RASSF3: variants seen among roughly 807,000 people sequenced by gnomAD.
RASSF3 encodes ras association domain-containing protein 3.
Under a neutral mutation model 19.9 loss-of-function variants are expected in RASSF3, and 19 were observed. That is an observed-to-expected ratio of 0.96 (90% CI 0.67 to 1.40). RASSF3 has a LOEUF of 1.40. RASSF3 is among the 40% of genes most tolerant of loss of function. The probability of loss-of-function intolerance (pLI) is 0.00; values close to 1 mark genes in which losing one functional copy is unlikely to be tolerated. For missense variants in RASSF3, 306 were observed against 289.8 expected (o/e 1.06, Z -0.41); for synonymous variants, 110 against 104.2 (o/e 1.06, Z -0.34).
At chr12:64,583,855 T>C (rs1459362936) in intron 2 of RASSF3, among the ~76,000 whole-genome samples, 4 of 152,192 alleles carry the variant, frequency 2.6e-5, no homozygotes, top group Non-Finnish European at 4.4e-5. Context: ...GACAAGATCT[T>C]ATTTTATGTG....
chr12:64,589,407 G>A (rs1054247424), intron 2 of RASSF3, among the ~76,000 whole-genome samples: 1 of 152,098 alleles, frequency 6.6e-6, no homozygotes, highest in Non-Finnish European at 1.5e-5. Flanking sequence ...CCAAGATTGT[G>A]CCACTGCACT....
chr12:64,596,366 T>C (rs1034983538), intron 2 of RASSF3, among the ~76,000 whole-genome samples: 1 of 152,172 alleles, frequency 6.6e-6, no homozygotes, highest in Non-Finnish European at 1.5e-5. Context: ...TTGGCTCCTG[T>C]GTTAGTCTGT....
chr12:64,678,666 C>A (rs200756236), intron 1 of RASSF3, among the ~76,000 whole-genome samples: 1,935 of 42,936 alleles, frequency 0.045, 100 homozygotes, highest in East Asian at 0.29. Flanking sequence ...AAAAAAAAAA[C>A]CAAACAAAAA....
chr12:64,605,886 T>G (rs553627430), upstream of RASSF3, among the ~76,000 whole-genome samples: 114 of 50,836 alleles, frequency 2.2e-3, 2 homozygotes, highest in South Asian at 0.057. Flanking sequence ...AAACTCCGTC[T>G]CAAAAAAAAA....
chr12:64,619,663 A>G (rs540043396), intron 1 of RASSF3, among the ~76,000 whole-genome samples: 52 of 152,280 alleles, frequency 3.4e-4, no homozygotes, highest in African/African-American at 1.2e-3. Flanking sequence ...GACTTAGAAT[A>G]TAGTCAGCAA....
intron 1 of RASSF3, among the ~76,000 whole-genome samples, chr12:64,673,147 A>G (rs978302445): frequency 1.3e-5 from 2 of 152,204 alleles, no homozygotes; most frequent in Non-Finnish European, 2.9e-5. Context: ...TTTGACCTTA[A>G]TAAAAACTGG....
intron 1 of RASSF3, among the ~76,000 whole-genome samples, chr12:64,523,533 T>A (rs1868521821): frequency 6.6e-6 from 1 of 152,220 alleles, no homozygotes; most frequent in African/African-American, 2.4e-5. Context: ...CAGCCTTCAG[T>A]GGGAGCTCTC....
At chr12:64,522,358 T>A (rs1868496926) in intron 1 of RASSF3, among the ~76,000 whole-genome samples, 1 of 152,106 alleles carries the variant, frequency 6.6e-6, no homozygotes, top group African/African-American at 2.4e-5. Context: ...TGGGGGGATG[T>A]GGGGAGAAAT....
chr12:64,590,270 C>T (rs1869897216), intron 2 of RASSF3, among the ~76,000 whole-genome samples: 1 of 151,826 alleles, frequency 6.6e-6, no homozygotes, highest in South Asian at 2.1e-4. Flanking sequence ...TAGGCTTGCC[C>T]TGTAACAATG....
At chr12:64,593,111 C>T (rs1289673088) in intron 2 of RASSF3, among the ~76,000 whole-genome samples, 3 of 152,174 alleles carry the variant, frequency 2.0e-5, no homozygotes, top group Non-Finnish European at 4.4e-5. Flanking sequence ...TTTTAGAGCA[C>T]AGTGCAAGAA....
intron 1 of RASSF3, among the ~76,000 whole-genome samples, chr12:64,522,305 G>C (rs1868493645): frequency 6.6e-6 from 1 of 152,064 alleles, no homozygotes; most frequent in South Asian, 2.1e-4. Flanking sequence ...CAGAACTTCT[G>C]TTCTCCAGCT....
chr12:64,674,048 A>C (rs1872793234), intron 1 of RASSF3, among the ~76,000 whole-genome samples: 1 of 152,156 alleles, frequency 6.6e-6, no homozygotes, highest in Non-Finnish European at 1.5e-5. Flanking sequence ...TTTAATGTGT[A>C]TCACAACTGC....
At chr12:64,598,058 A>C (rs934402549) in intron 2 of RASSF3, among the ~76,000 whole-genome samples, 3 of 152,026 alleles carry the variant, frequency 2.0e-5, no homozygotes, top group African/African-American at 7.2e-5. Flanking sequence ...CTGGGATTAC[A>C]GGCACAAGCC....
At chr12:64,579,758 G>A (rs955708098) in intron 2 of RASSF3, among the ~76,000 whole-genome samples, 7 of 151,120 alleles carry the variant, frequency 4.6e-5, no homozygotes, top group Non-Finnish European at 8.8e-5. Flanking sequence ...AGAGATTATA[G>A]GGTGAAGATG....
chr12:64,547,163 T>G (rs1236314115), intron 2 of RASSF3, among the ~76,000 whole-genome samples: 1 of 151,398 alleles, frequency 6.6e-6, no homozygotes, highest in Non-Finnish European at 1.5e-5. Flanking sequence ...TCCCTGCTAC[T>G]CAGGAGACTG....
chr12:64,636,000 C>G (rs1246120900), intron 1 of RASSF3, among the ~76,000 whole-genome samples: 1 of 152,136 alleles, frequency 6.6e-6, no homozygotes, highest in Non-Finnish European at 1.5e-5. Flanking sequence ...ATACTGATTA[C>G]ATTCATTGTT....
chr12:64,584,503 GAAAAA>G (rs11461888), intron 2 of RASSF3, among the ~76,000 whole-genome samples: 1 of 112,720 alleles, frequency 8.9e-6, no homozygotes, highest in Non-Finnish European at 1.8e-5. Flanking sequence ...TCCAGGCTAA[GAAAAA>G]AAAAAAAAAA....
intron 1 of RASSF3, among the ~76,000 whole-genome samples, chr12:64,667,097 T>TG (rs1026104920): frequency 3.3e-5 from 5 of 150,754 alleles, no homozygotes; most frequent in African/African-American, 7.3e-5. Flanking sequence ...CTGCAAGAAA[T>TG]GGGGGGGTGT....
At chr12:64,587,045 G>A (rs891169094) in intron 2 of RASSF3, among the ~76,000 whole-genome samples, 1 of 146,268 alleles carries the variant, frequency 6.8e-6, no homozygotes, top group Non-Finnish European at 1.5e-5. Context: ...CGTATTCCTC[G>A]CCTCACTTTT....
Sources: allele counts gnomAD v4.1 joint callset (sites outside exome capture counted in the v4.1 genomes callset), GRCh38; gene constraint gnomAD v4.1.1; transcripts MANE v1.5; gene names NCBI Gene and HGNC (gene_info 2026-07-23, HGNC 2026-07-21).